The following AKR1C4 variants were observed in gnomAD, a reference collection of about 807,000 sequenced individuals.
AKR1C4 encodes aldo-keto reductase family 1 member C4, also known as 3-alpha-HSD1.
Under a neutral mutation model 41.0 loss-of-function variants are expected in AKR1C4, and 44 were observed. That is an observed-to-expected ratio of 1.07 (90% CI 0.84 to 1.38). The LOEUF is 1.38. Ranked by LOEUF, AKR1C4 falls within the 40% of genes most tolerant of loss-of-function variation. The probability of loss-of-function intolerance (pLI) is 0.00; values close to 1 mark genes in which losing one functional copy is unlikely to be tolerated. For synonymous variants in AKR1C4, 165 were observed against 137.7 expected, an observed-to-expected ratio of 1.20 and a Z score of -1.39; for missense variants, 438 against 387.9, an observed-to-expected ratio of 1.13 and a Z score of -1.09.
intron 1 of AKR1C4, among the ~76,000 whole-genome samples, chr10:5,198,553 T>C (rs1328211466): frequency 1.3e-5 from 2 of 152,176 alleles, no homozygotes; most frequent in Non-Finnish European, 2.9e-5. Context: ...TAGCATCCCT[T>C]GTAGTCAACA....
At chr10:5,205,926 A>T in intron 4 of AKR1C4, 92 bp downstream of exon 4, 3 of 1,282,934 alleles carry the variant, frequency 2.3e-6, no homozygotes, top group Non-Finnish European at 3.3e-6. Flanking sequence ...AATATGCACC[A>T]TTGGAACTAG....
intron 2 of AKR1C4, among the ~76,000 whole-genome samples, chr10:5,202,118 T>C (rs1832408890): frequency 6.6e-6 from 1 of 152,112 alleles, no homozygotes; most frequent in African/African-American, 2.4e-5. Context: ...ATTTGGAATA[T>C]GGCCATTTTT....
chr10:5,202,697 T>C (rs948356139), intron 2 of AKR1C4, among the ~76,000 whole-genome samples: 8 of 152,220 alleles, frequency 5.3e-5, no homozygotes, highest in African/African-American at 1.9e-4. Context: ...TAAATGGATG[T>C]TGGATTTTAT....
chr10:5,214,233 T>A (rs1832620602), intron 7 of AKR1C4, among the ~76,000 whole-genome samples: 2 of 152,310 alleles, frequency 1.3e-5, no homozygotes, highest in Admixed American at 6.5e-5. Flanking sequence ...CTCACTTATC[T>A]TGATTTTTCA....
intron 4 of AKR1C4, 71 bp downstream of exon 4, chr10:5,205,905 T>C (rs1832477011): frequency 6.9e-7 from 1 of 1,441,268 alleles, no homozygotes; most frequent in South Asian, 1.3e-5. Context: ...AGCTTTCATA[T>C]GCAACATTGG....
intron 1 of AKR1C4, among the ~76,000 whole-genome samples, chr10:5,198,920 T>C (rs561464038): frequency 1.4e-5 from 2 of 138,346 alleles, no homozygotes; most frequent in Admixed American, 1.6e-4. Flanking sequence ...GAGGATCACT[T>C]GAGCCCAAGG....
intron 5 of AKR1C4, chr10:5,207,668 G>T: frequency 1.0e-6 from 1 of 987,298 alleles, no homozygotes; most frequent in Middle Eastern, 2.9e-4. Context: ...GCAATCATAG[G>T]ACATGAAATA....
chr10:5,206,477 T>C (rs1225614891), intron 5 of AKR1C4, 80 bp downstream of exon 5: 3 of 1,597,402 alleles, frequency 1.9e-6, no homozygotes, highest in South Asian at 1.1e-5. Flanking sequence ...ATTTGTTTTG[T>C]TCCACTTACA....
At position 5,202,389 on chromosome 10, in the gene AKR1C4, G is replaced by T. The variant is rs545758947; in HGVS notation, c.253-1988G>T. The stretch of plus-strand genomic sequence containing the variant: ...TGAGACTTTACTGAATTTGTTTGTC[G>T]GAGGAGCTTTTTGGATGAGGCTTTG... On this transcript the variant is annotated intron_variant, in intron 2 of 8. Coordinates refer to ENST00000263126, the MANE Select transcript of AKR1C4 (RefSeq NM_001818.5). 48 of 417,512 alleles carry T rather than the reference G, an allele frequency of 1.1e-4. No homozygotes were observed. The Admixed American group carries it at 1.3e-3, about 11-fold the overall frequency. 25.9% of individuals were successfully genotyped at this position (417,512 alleles called of 1,614,324 possible).
intron 2 of AKR1C4, among the ~76,000 whole-genome samples, chr10:5,203,232 AG>A (rs1832429515): frequency 1.3e-5 from 2 of 151,996 alleles, no homozygotes. Context: ...GTTCTGGCCA[AG>A]GGGGCTCATT....
intron 5 of AKR1C4, among the ~76,000 whole-genome samples, chr10:5,210,068 G>A (rs538370153): frequency 1.5e-4 from 23 of 152,252 alleles, no homozygotes; most frequent in East Asian, 3.9e-4. Context: ...ATACAATGGC[G>A]GTACAGGCAT....
rs782309814 is a variant in AKR1C4 at position 5,212,712 on chromosome 10, C to T, written c.667C>T (p.Arg223Ter). 7.3e-5 allele frequency: 118 copies of T among 1,611,562 alleles called. No homozygotes were observed. The highest frequency in any genetic ancestry group is 9.5e-5 in the Non-Finnish European group (112 of 1,179,360). Reference sequence around the variant, plus strand: ...TGCCCACAGTGCTCTGGGAACCCAACGACATAAACTATGGTAATAAGAGCA... The same window carrying T: ...TGCCCACAGTGCTCTGGGAACCCAATGACATAAACTATGGTAATAAGAGCA... ...LVAHSALGTQ[R>*]HKLWVDPNSP... The change falls in exon 6 of 9, where the codon CGA (arginine) becomes TGA (stop). Residue 223 changes from arginine to a stop codon, truncating the protein, a stop_gained. Transcript: ENST00000263126. LOFTEE classifies it high-confidence loss of function.
Position 5,212,506 on chromosome 10 carries a change from G to A in AKR1C4, c.571-110G>A, listed in dbSNP as rs1335680372. 5.1e-6 allele frequency: 5 copies of A among 981,862 alleles called. No homozygotes were observed. The Admixed American group carries it at 1.1e-4, about 22-fold the overall frequency. The allele number at this position is 981,862 out of a possible 1,614,324, so 60.8% of individuals were successfully genotyped here. On this transcript the variant is annotated intron_variant, in intron 5 of 8. Transcript: ENST00000263126. ...TTTATAAAATGATTGTTACTTGACA[G>A]TAATATTCTGTTCAAATTTAATGTT...
intron 2 of AKR1C4, among the ~76,000 whole-genome samples, chr10:5,203,773 CA>C (rs1292062603): frequency 2.6e-5 from 4 of 152,152 alleles, no homozygotes; most frequent in Non-Finnish European, 4.4e-5. Flanking sequence ...ATCTTGGGAA[CA>C]AAAAACTCAG....
chr10:5,196,866 C>G lies in AKR1C4; in HGVS notation c.-2C>G. The G allele has an allele frequency of 6.2e-7, 1 of 1,614,040 alleles. No homozygotes were observed. Reference sequence around the variant, plus strand: ...TCTGCTTAGTGAAAGAAGTGGCAAGCAATGGATCCCAAATATCAGCGTGTA... The same window carrying G: ...TCTGCTTAGTGAAAGAAGTGGCAAGGAATGGATCCCAAATATCAGCGTGTA... On this transcript the variant is annotated 5_prime_UTR_variant, in exon 1 of 9. Coordinates refer to ENST00000263126, the MANE Select transcript of AKR1C4 (RefSeq NM_001818.5).
At chr10:5,216,974 T>TGGACCCAGGGTCAGC (rs1832666064) in intron 8 of AKR1C4, among the ~76,000 whole-genome samples, 181 bp downstream of exon 8, 1 of 152,156 alleles carries the variant, frequency 6.6e-6, no homozygotes, top group Non-Finnish European at 1.5e-5. Context: ...ACAGGGTGAG[T>TGGACCCAGGGTCAGC]GGACCCAGGG....
Position 5,200,358 on chromosome 10 carries a change from C to T in AKR1C4, c.252+10C>T. ...ATTCTACACTTCAAAGGTACTGTGC[C>T]TATGATGAGCATGTATGCACATGTG... On this transcript the variant is annotated intron_variant, in intron 2 of 8. Coordinates refer to ENST00000263126, the MANE Select transcript of AKR1C4 (RefSeq NM_001818.5). 6.2e-7 allele frequency: 1 copy of T among 1,609,180 alleles called. No homozygotes were observed. The highest frequency in any genetic ancestry group is 8.5e-7 in the Non-Finnish European group (1 of 1,177,548).
chr10:5,218,438 G>C (rs1016909417), intron 8 of AKR1C4, among the ~76,000 whole-genome samples: 20 of 151,604 alleles, frequency 1.3e-4, no homozygotes, highest in Non-Finnish European at 1.5e-5. Flanking sequence ...ATATCTCTTT[G>C]CTCTGTTGAC....
chr10:5,197,425 G>A (rs1452672205), intron 1 of AKR1C4, among the ~76,000 whole-genome samples: 3 of 152,218 alleles, frequency 2.0e-5, no homozygotes, highest in Non-Finnish European at 4.4e-5. Context: ...GAGCTGCCGC[G>A]TGGTCTTGAG....
Sources: allele counts gnomAD v4.1 joint callset (sites outside exome capture counted in the v4.1 genomes callset), GRCh38; gene constraint gnomAD v4.1.1; transcripts MANE v1.5; gene names NCBI Gene and HGNC (gene_info 2026-07-23, HGNC 2026-07-21).